The following LYRM9 variants were observed in gnomAD, a reference collection of about 807,000 sequenced individuals.
LYRM9 encodes the protein LYR motif-containing protein 9.
Under a neutral mutation model 12.6 loss-of-function variants are expected in LYRM9, and 14 were observed. That is an observed-to-expected ratio of 1.11 (90% CI 0.73 to 1.73). The LOEUF (loss-of-function observed/expected upper bound fraction) is 1.73. Among genes scored for constraint, LYRM9 ranks in the 40% most tolerant of loss-of-function variants. The pLI is 0.00. For synonymous variants in LYRM9, 42 were observed against 35.1 expected, an observed-to-expected ratio of 1.20 and a Z score of -0.69; for missense variants, 94 against 95.0, an observed-to-expected ratio of 0.99 and a Z score of 0.04.
chr17:27,884,072 G>A (rs896064376), intron 1 of LYRM9, among the ~76,000 whole-genome samples: 13 of 90,402 alleles, frequency 1.4e-4, no homozygotes, highest in African/African-American at 5.3e-4. Context: ...CCAGGCAACC[G>A]CTGCATTTTC....
At chr17:27,883,099 C>A (rs1905119777) in intron 1 of LYRM9, 4 of 464,212 alleles carry the variant, frequency 8.6e-6, no homozygotes, top group Non-Finnish European at 1.8e-5. Flanking sequence ...GGGCACCAAG[C>A]CACAGAGGGG....
Position 27,886,313 on chromosome 17 carries a change from A to C in LYRM9, c.-18-3601T>G, listed in dbSNP as rs1221286664. Among the ~76,000 whole-genome samples, 1 of 152,262 alleles carries C rather than the reference A, an allele frequency of 6.6e-6. No homozygotes were observed. Among genetic ancestry groups the C allele is most frequent in the Non-Finnish European group, 1.5e-5 (1 of 68,046 alleles). On this transcript the variant is annotated intron_variant, in intron 1 of 3. Transcript: ENST00000379102. The surrounding 1 kb of genome is among the most constrained non-coding windows in gnomAD (Gnocchi z 4.8). ...TCAATTATAATACTTAGTCATTCTC[A>C]GTAATAACTAGTAGAGAATACATGT... is the stretch of plus-strand genomic sequence containing the variant.
chr17:27,883,629 G>C, intron 1 of LYRM9, among the ~76,000 whole-genome samples: 1 of 144,612 alleles, frequency 6.9e-6, no homozygotes, highest in Admixed American at 7.0e-5. Flanking sequence ...CAGCCTGGGT[G>C]ACAAAGCAAG....
chr17:27,891,127 C>A (rs548212399), intron 1 of LYRM9, among the ~76,000 whole-genome samples: 1 of 152,182 alleles, frequency 6.6e-6, no homozygotes, highest in South Asian at 2.1e-4. Context: ...CTAAAAAGCA[C>A]ACCCTGTCAC....
intron 1 of LYRM9, among the ~76,000 whole-genome samples, chr17:27,890,588 G>A (rs1378106495): frequency 2.0e-5 from 3 of 152,200 alleles, no homozygotes; most frequent in Non-Finnish European, 4.4e-5. Context: ...TGGCACAGAT[G>A]TTGAGAAGCA....
intron 1 of LYRM9, among the ~76,000 whole-genome samples, chr17:27,889,682 A>AGG (rs1445683023): frequency 6.6e-6 from 1 of 152,112 alleles, no homozygotes. Context: ...CACCATCCTT[A>AGG]GGGGGGTCTG....
At chr17:27,892,506 A>G in intron 1 of LYRM9, 1 of 426,920 alleles carries the variant, frequency 2.3e-6, no homozygotes, top group Non-Finnish European at 4.6e-6. Context: ...TGGCAGGTGA[A>G]CCCAGAAAAC....
At chr17:27,887,721 T>G (rs796482798) in intron 1 of LYRM9, among the ~76,000 whole-genome samples, 776 of 73,068 alleles carry the variant, frequency 0.011, 3 homozygotes, top group South Asian at 0.024. Context: ...AGGGTGTGTG[T>G]GTGTGTGTGT....
Position 27,880,303 on chromosome 17 carries a change from T to C in LYRM9, c.190A>G (p.Ile64Val). 2 of 1,610,694 alleles carry C rather than the reference T, an allele frequency of 1.2e-6. No homozygotes were observed. Among genetic ancestry groups the C allele is most frequent in the Admixed American group, 1.7e-5 (1 of 59,616 alleles). The change falls in exon 3 of 4, where the codon ATT becomes GTT. Residue 64 changes from isoleucine to valine, a missense_variant. Coordinates refer to ENST00000379102, the MANE Select transcript of LYRM9 (RefSeq NM_001076680.3). Reference sequence around the variant, plus strand: ...TTCATGATCCAGTCAGCATCTTCAATGGCTCTTTTAATAATCTGCTGGATT... The same window carrying C: ...TTCATGATCCAGTCAGCATCTTCAACGGCTCTTTTAATAATCTGCTGGATT... ...ERIQQIIKRA[I>V]EDADWIMNKY...
chr17:27,887,717 T>TGG (rs1479400224), intron 1 of LYRM9, among the ~76,000 whole-genome samples: 1 of 26,842 alleles, frequency 3.7e-5, no homozygotes, highest in African/African-American at 1.2e-4. Flanking sequence ...AGGGAGGGTG[T>TGG]GTGTGTGTGT....
chr17:27,891,676 T>C (rs191626078), intron 1 of LYRM9, among the ~76,000 whole-genome samples: 43 of 152,324 alleles, frequency 2.8e-4, no homozygotes, highest in African/African-American at 1.0e-3. Context: ...TCACTTATTG[T>C]GATTATAATC....
In LYRM9 at chr17:27,879,268, C is replaced by T. The variant is rs1005571567; in HGVS notation, c.*205G>A. The stretch of plus-strand genomic sequence containing the variant: ...ACTACATTCTCCCCAAATTTCACAT[C>T]GTAAGTGGCTGGAAGTGCAAACATA... On this transcript the variant is annotated 3_prime_UTR_variant, in exon 4 of 4. Transcript: ENST00000379102. 2.2e-5 allele frequency: 10 copies of T among 446,354 alleles called. No individual in the cohort carries two copies. Among genetic ancestry groups the T allele is most frequent in the African/African-American group, 6.1e-5 (3 of 49,092 alleles). The allele number at this position is 446,354 out of a possible 1,614,324, so 27.6% of individuals were successfully genotyped here.
At chr17:27,879,962 C>T in intron 3 of LYRM9, 2 of 622,810 alleles carry the variant, frequency 3.2e-6, no homozygotes, top group East Asian at 2.8e-5. Flanking sequence ...ATCACAGTGC[C>T]ACCGCCGGCT....
Position 27,882,721 on chromosome 17 carries a change from C to T in LYRM9, c.-18-9G>A, listed in dbSNP as rs1164800443. The T allele has an allele frequency of 1.3e-6, 2 of 1,575,362 alleles. No individual in the cohort carries two copies. Among genetic ancestry groups the T allele is most frequent in the South Asian group, 1.2e-5 (1 of 84,290 alleles). ...CGTGAGACCCTCTGTCCCTGGAAAA[C>T]AAGCAGGATCACTTCCAGGGCATCA... is the stretch of plus-strand genomic sequence containing the variant. On this transcript the variant is annotated splice_polypyrimidine_tract_variant and intron_variant, in intron 1 of 3. Transcript: ENST00000379102.
rs369493709 is a variant in LYRM9 at position 27,879,989 on chromosome 17, C to T, written c.219+285G>A. 5.1e-4 allele frequency: 325 copies of T among 642,988 alleles called. 2 individuals are homozygous for T. In the South Asian group the frequency reaches 5.2e-3, roughly 10 times the overall value. The allele number at this position is 642,988 out of a possible 1,614,324, so 39.8% of individuals were successfully genotyped here. ...CCGCCGGCTCTGGCACTATAGCTTT[C>T]CCTCCTTCTTCCTGCTGCCCCCTCT... On this transcript the variant is annotated intron_variant, in intron 3 of 3. Coordinates refer to ENST00000379102, the MANE Select transcript of LYRM9 (RefSeq NM_001076680.3).
intron 1 of LYRM9, among the ~76,000 whole-genome samples, chr17:27,884,435 C>T (rs191185825): frequency 6.6e-5 from 10 of 152,354 alleles, no homozygotes; most frequent in Admixed American, 1.3e-4. Context: ...CCCCTCAAAC[C>T]ACCAAATGTG....
At chr17:27,882,831 C>T in intron 1 of LYRM9, 119 bp from the exon 2 acceptor site, 1 of 1,140,906 alleles carries the variant, frequency 8.8e-7, no homozygotes, top group Non-Finnish European at 1.2e-6. Flanking sequence ...CCCTCCTGTC[C>T]CATCCCATGG....
At chr17:27,883,996 T>G (rs976109070) in intron 1 of LYRM9, among the ~76,000 whole-genome samples, 2 of 151,968 alleles carry the variant, frequency 1.3e-5, no homozygotes, top group African/African-American at 2.4e-5. Context: ...AACATATCTA[T>G]CATCACCAAA....
At chr17:27,884,132 C>T (rs1286853737) in intron 1 of LYRM9, among the ~76,000 whole-genome samples, 2 of 149,918 alleles carry the variant, frequency 1.3e-5, no homozygotes, top group Non-Finnish European at 1.5e-5. Context: ...TTTGTGTCTA[C>T]AGAACCCACA....
Sources: allele counts gnomAD v4.1 joint callset (sites outside exome capture counted in the v4.1 genomes callset), GRCh38; gene constraint gnomAD v4.1.1; non-coding constraint Gnocchi (gnomAD v3.1); transcripts MANE v1.5; gene names NCBI Gene and HGNC (gene_info 2026-07-23, HGNC 2026-07-21).